The following SLC5A4 variants were observed in gnomAD, a reference collection of about 807,000 sequenced individuals.
SLC5A4 encodes the protein probable glucose sensor protein SLC5A4.
SLC5A4 carries 55 observed loss-of-function variants against 70.3 expected under a neutral mutation model. The observed-to-expected ratio is 0.78, with a 90% CI of 0.63 to 0.98. SLC5A4 has a LOEUF of 0.98. Ranked by LOEUF, SLC5A4 falls within the 50% of genes least tolerant of loss-of-function variation. SLC5A4 has a pLI of 0.00. For synonymous variants in SLC5A4, 268 were observed against 305.7 expected (o/e 0.88, Z 1.29); for missense variants, 735 against 839.2 (o/e 0.88, Z 1.53).
the SLC5A4 span, among the ~76,000 whole-genome samples, chr22:32,283,978 T>C: frequency 6.6e-6 from 1 of 152,186 alleles, no homozygotes; most frequent in African/African-American, 2.4e-5. Context: ...TTACAAAGAA[T>C]TGTCAAATAA....
chr22:32,330,901 CTGTG>C, the SLC5A4 span, among the ~76,000 whole-genome samples: 7,538 of 63,232 alleles, frequency 0.12, 1,235 homozygotes, highest in Non-Finnish European at 0.18. Context: ...GGGGGCTCTC[CTGTG>C]TGTGTGTGTG....
the SLC5A4 span, among the ~76,000 whole-genome samples, chr22:32,342,748 C>T: frequency 3.5e-4 from 54 of 152,234 alleles, 2 homozygotes; most frequent in South Asian, 0.011. Flanking sequence ...TCTGGATTCC[C>T]AAACATGCCA....
chr22:32,261,817 G>T, the SLC5A4 span, among the ~76,000 whole-genome samples: 248 of 152,114 alleles, frequency 1.6e-3, no homozygotes, highest in African/African-American at 5.5e-3. Context: ...CTCCCTCCCA[G>T]CTCCACAATA....
At chr22:32,333,157 G>A in the SLC5A4 span, among the ~76,000 whole-genome samples, 2 of 151,726 alleles carry the variant, frequency 1.3e-5, no homozygotes, top group South Asian at 2.1e-4. Flanking sequence ...GGAATGAGGT[G>A]CCGGGACTCC....
chr22:32,328,536 A>G, the SLC5A4 span, among the ~76,000 whole-genome samples: 6 of 152,214 alleles, frequency 3.9e-5, no homozygotes, highest in East Asian at 7.8e-4. Flanking sequence ...TGAGCAACTG[A>G]CAACGCCAAC....
the SLC5A4 span, among the ~76,000 whole-genome samples, chr22:32,341,806 G>A: frequency 9.2e-5 from 14 of 152,234 alleles, no homozygotes; most frequent in African/African-American, 2.9e-4. Flanking sequence ...TACACCCAGC[G>A]TGTTTTCAAC....
chr22:32,309,861 G>A, the SLC5A4 span, among the ~76,000 whole-genome samples: 1 of 151,788 alleles, frequency 6.6e-6, no homozygotes, highest in Admixed American at 6.6e-5. Context: ...GCTGCACTCT[G>A]CACCTGCCTT....
chr22:32,322,621 C>T, the SLC5A4 span, among the ~76,000 whole-genome samples: 4 of 150,246 alleles, frequency 2.7e-5, no homozygotes, highest in African/African-American at 9.8e-5. Context: ...AAAAAAGAAA[C>T]AGCCAGAGGC....
In SLC5A4 at chr22:32,234,913, C is replaced by A. The variant is rs778000362; in HGVS notation, c.845G>T (p.Gly282Val). The change falls in exon 8 of 15, where the codon GGA (glycine) becomes GTA (valine). Residue 282 changes from glycine to valine, a missense_variant. By Grantham distance (109) the Gly-to-Val change is moderately radical. Coordinates refer to ENST00000266086, the MANE Select transcript of SLC5A4 (RefSeq NM_014227.3). ...GDIPWPGIIF[G>V]MPITALWYWC... ...GTACCACAAAGCTGTAATGGGCATT[C>A]CAAATATAATTCCTGGCCATGGAAT... The A allele has an allele frequency of 1.9e-6, 3 of 1,612,776 alleles. No individual in the cohort carries two copies. The South Asian group carries it at 3.3e-5, about 18-fold the overall frequency.
At chr22:32,306,444 C>A in the SLC5A4 span, among the ~76,000 whole-genome samples, 1 of 143,806 alleles carries the variant, frequency 7.0e-6, no homozygotes, top group African/African-American at 2.6e-5. Context: ...CCAGCCTGGG[C>A]GACAGAGCAA....
chr22:32,225,628 G>GAA lies in SLC5A4; in HGVS notation c.1449+25_1449+26dup, dbSNP rs749547419. 2.0e-6 allele frequency: 3 copies of GAA among 1,526,056 alleles called. No homozygotes were observed. In the African/African-American group the frequency reaches 4.2e-5, roughly 21 times the overall value. 94.5% of individuals were successfully genotyped at this position (1,526,056 alleles called of 1,614,324 possible). ...ACGATTTTTTTCTCACTCCAGCAGG[G>GAA]AAACTTTTTTTCCAGTTTTCACTCA... On this transcript the variant is annotated intron_variant, in intron 12 of 14. Transcript: ENST00000266086.
At chr22:32,317,089 T>C in the SLC5A4 span, among the ~76,000 whole-genome samples, 3 of 152,046 alleles carry the variant, frequency 2.0e-5, no homozygotes, top group Admixed American at 6.6e-5. Context: ...GATCACAATA[T>C]ACTAGAATTT....
the SLC5A4 span, among the ~76,000 whole-genome samples, chr22:32,303,433 C>T: frequency 6.6e-6 from 1 of 152,180 alleles, no homozygotes; most frequent in Non-Finnish European, 1.5e-5. Flanking sequence ...CCACTTCTAC[C>T]TTAGTTTGGC....
the SLC5A4 span, among the ~76,000 whole-genome samples, chr22:32,322,947 T>C: frequency 6.6e-6 from 1 of 152,212 alleles, no homozygotes; most frequent in African/African-American, 2.4e-5. Flanking sequence ...CTAGAACTTA[T>C]CTTTACCTTT....
intron 11 of SLC5A4, among the ~76,000 whole-genome samples, chr22:32,228,428 G>C (rs1220195333): frequency 1.3e-5 from 2 of 151,700 alleles, no homozygotes; most frequent in African/African-American, 2.4e-5. Context: ...TGTAATCCCA[G>C]TTACTCAGGA....
At chr22:32,331,305 C>T in the SLC5A4 span, among the ~76,000 whole-genome samples, 3 of 151,994 alleles carry the variant, frequency 2.0e-5, no homozygotes, top group African/African-American at 4.8e-5. Flanking sequence ...ACTTTGGACA[C>T]GTGCTTTGGC....
At chr22:32,350,030 C>T in the SLC5A4 span, among the ~76,000 whole-genome samples, 1 of 152,102 alleles carries the variant, frequency 6.6e-6, no homozygotes, top group Non-Finnish European at 1.5e-5. Flanking sequence ...CAAAGCAGAG[C>T]CTTCCCCAGG....
the SLC5A4 span, among the ~76,000 whole-genome samples, chr22:32,326,732 G>T: frequency 6.6e-6 from 1 of 152,208 alleles, no homozygotes; most frequent in Non-Finnish European, 1.5e-5. Context: ...CTGCTGACAC[G>T]ATAGAGTTGA....
At chr22:32,308,744 A>G in the SLC5A4 span, among the ~76,000 whole-genome samples, 1 of 147,856 alleles carries the variant, frequency 6.8e-6, no homozygotes, top group African/African-American at 2.5e-5. Flanking sequence ...AAGAGGGACC[A>G]GATCTACCTA....
Sources: gnomAD v4.1 joint callset for allele counts (sites outside exome capture counted in the v4.1 genomes callset) on GRCh38, gnomAD v4.1.1 for gene constraint, MANE v1.5 for transcripts, NCBI Gene and HGNC (gene_info 2026-07-23, HGNC 2026-07-21) for gene names.